The following SLC46A3 variants were observed in gnomAD, a reference collection of about 807,000 sequenced individuals.
SLC46A3 encodes lysosomal proton-coupled steroid conjugate and bile acid symporter SLC46A3.
In SLC46A3, 26 loss-of-function variants were observed where a neutral mutation model predicts 38.5. That is an observed-to-expected ratio of 0.68 (90% CI 0.49 to 0.94). SLC46A3 has a LOEUF of 0.94. Ranked by LOEUF, SLC46A3 falls within the 40% of genes least tolerant of loss-of-function variation. SLC46A3 has a pLI of 0.00. For synonymous variants in SLC46A3, 185 were observed against 192.5 expected (o/e 0.96, Z 0.32); for missense variants, 510 against 544.3 (o/e 0.94, Z 0.63).
intron 5 of SLC46A3, among the ~76,000 whole-genome samples, chr13:28,703,005 A>G (rs181252028): frequency 2.0e-5 from 3 of 152,302 alleles, no homozygotes; most frequent in Admixed American, 2.0e-4. Flanking sequence ...TAATGTGTCA[A>G]ATAAATTTGC....
At chr13:28,714,435 C>A (rs1448388893) in intron 2 of SLC46A3, among the ~76,000 whole-genome samples, 4 of 151,916 alleles carry the variant, frequency 2.6e-5, no homozygotes, top group African/African-American at 7.3e-5. Flanking sequence ...CATAGCGAGA[C>A]CCTGTCTCTA....
At chr13:28,707,619 T>C (rs1217150319) in intron 4 of SLC46A3, among the ~76,000 whole-genome samples, 2 of 152,172 alleles carry the variant, frequency 1.3e-5, no homozygotes. Context: ...AAACTATACC[T>C]CTTGACAGCT....
intron 4 of SLC46A3, among the ~76,000 whole-genome samples, chr13:28,707,498 G>A (rs1005971546): frequency 5.8e-4 from 88 of 151,994 alleles, no homozygotes; most frequent in Non-Finnish European, 1.1e-3. Context: ...CATGGCACAT[G>A]TATACATATG....
rs1885395477 is a variant in SLC46A3, at chr13:28,712,892, A to C, written c.848T>G (p.Leu283Arg). 1 of 1,611,064 alleles carries C rather than the reference A, an allele frequency of 6.2e-7. No individual in the cohort carries two copies. Among genetic ancestry groups the C allele is most frequent in the East Asian group, 2.2e-5 (1 of 44,868 alleles). Residue 283 changes from leucine (L) to arginine (R), a missense_variant, in exon 3 of 6, where the codon CTT (leucine) becomes CGT (arginine). By Grantham distance (102) the Leu-to-Arg change is moderately radical (BLOSUM62 -2). Transcript: ENST00000266943. ...GCAGAGTGGTGAATCCAATTCATAA[A>C]GGATAAAAATTGGGGCAATGCCAAT... ...VVIGIAPIFI[L>R]YELDSPLCWN...
Position 28,704,275 on chromosome 13 carries a change from T to C in SLC46A3, c.1145-176A>G, listed in dbSNP as rs544631085. On this transcript the variant is annotated intron_variant, in intron 4 of 5. Transcript: ENST00000266943. ...TCCCTGAGAAGTCAGCAGCCCATTC[T>C]GCAGCTGAGGAAACTAAGGGAAAGG... The C allele has an allele frequency of 2.2e-4, 131 of 601,176 alleles. 2 individuals are homozygous for C. The South Asian group carries it at 2.5e-3, about 12-fold the overall frequency. The allele number at this position is 601,176 out of a possible 1,614,324, so 37.2% of individuals were successfully genotyped here.
At chr13:28,702,788 G>A (rs1566118327) in intron 5 of SLC46A3, among the ~76,000 whole-genome samples, 1 of 152,178 alleles carries the variant, frequency 6.6e-6, no homozygotes, top group Non-Finnish European at 1.5e-5. Flanking sequence ...GCCCTTTAGG[G>A]AGTTTGCCAT....
chr13:28,704,710 T>C (rs563000590), intron 4 of SLC46A3, among the ~76,000 whole-genome samples: 2 of 152,376 alleles, frequency 1.3e-5, no homozygotes, highest in South Asian at 4.1e-4. Context: ...TTCTGCATGT[T>C]TGACTCATCA....
chr13:28,701,101 T>A lies in SLC46A3; in HGVS notation c.*396A>T. ...GAGAGAGGCCAGAAACCCATTCTGC[T>A]GATGAAGAAACTGAGGTAAAGATTT... On this transcript the variant is annotated 3_prime_UTR_variant, in exon 6 of 6. Coordinates refer to ENST00000266943, the MANE Select transcript of SLC46A3 (RefSeq NM_181785.4). The A allele has an allele frequency of 6.9e-7, 1 of 1,449,548 alleles. No individual in the cohort carries two copies. 89.8% of individuals were successfully genotyped at this position (1,449,548 alleles called of 1,614,324 possible). A position where few individuals can be genotyped will look rare whatever the true frequency, so the allele number is the denominator to read the frequency against.
Position 28,713,342 on chromosome 13 carries a change from G to A in SLC46A3, c.398C>T (p.Ala133Val). 1.2e-6 allele frequency: 2 copies of A among 1,614,012 alleles called. No individual in the cohort carries two copies. The highest frequency in any genetic ancestry group is 1.7e-6 in the Non-Finnish European group (2 of 1,180,022). ...YFAFPFQLLI[A>V]STFIGAFCGN... ...ACAAAATGCACCAATGAAGGTAGAT[G>A]CAATCAAAAGCTGGAATGGAAAGGC... Residue 133 changes from alanine to valine, a missense_variant, in exon 3 of 6, where the codon GCA (alanine) becomes GTA (valine). Transcript: ENST00000266943.
Position 28,701,583 on chromosome 13 carries a change from T to C in SLC46A3, c.1302-2A>G. ...TTCCAGCTGGTACACTTGACAACAC[T>C]ATAAAAGGAAACAAGACATTTTAAA... is the stretch of plus-strand genomic sequence containing the variant. On this transcript the variant is annotated splice_acceptor_variant, in intron 5 of 5. Transcript: ENST00000266943. LOFTEE classifies it high-confidence loss of function. 6.2e-7 allele frequency: 1 copy of C among 1,609,942 alleles called. No homozygotes were observed. The highest frequency in any genetic ancestry group is 8.5e-7 in the Non-Finnish European group (1 of 1,178,444).
intron 2 of SLC46A3, among the ~76,000 whole-genome samples, chr13:28,714,886 C>T (rs1005398512): frequency 3.3e-5 from 5 of 152,168 alleles, no homozygotes; most frequent in Non-Finnish European, 7.4e-5. Context: ...TCAATCATTA[C>T]ACTAGTTACT....
At position 28,712,772 on chromosome 13, in the gene SLC46A3, T is replaced by G; in HGVS notation, c.968A>C (p.Glu323Ala). The change falls in exon 3 of 6, where the codon GAA (glutamate) becomes GCA (alanine). Residue 323 changes from glutamate to alanine, a missense_variant. Glu to Ala is a moderately radical substitution (Grantham distance 107). Coordinates refer to ENST00000266943, the MANE Select transcript of SLC46A3 (RefSeq NM_181785.4). ...CCCAATGAAGGCCATATGAATATCT[T>G]CCATACAATAAGAAAAAAGCCATAT... Reference protein sequence around the residue: ...LGIWLFSYCMEDIHMAFIGIF... With the variant: ...LGIWLFSYCMADIHMAFIGIF... 6.2e-7 allele frequency: 1 copy of G among 1,613,378 alleles called. No homozygotes were observed. The highest frequency in any genetic ancestry group is 8.5e-7 in the Non-Finnish European group (1 of 1,179,856).
chr13:28,715,334 T>A (rs988934838), intron 2 of SLC46A3, among the ~76,000 whole-genome samples: 2 of 152,248 alleles, frequency 1.3e-5, no homozygotes, highest in African/African-American at 2.4e-5. Flanking sequence ...TAGGGGGCTC[T>A]CAGCAGCTGG....
At chr13:28,711,516 T>C (rs1885342650) in intron 3 of SLC46A3, among the ~76,000 whole-genome samples, 1 of 152,196 alleles carries the variant, frequency 6.6e-6, no homozygotes, top group Non-Finnish European at 1.5e-5. Flanking sequence ...TGCTAATTCA[T>C]TTTTGTTTGT....
chr13:28,716,628 A>G (rs1453285828), intron 2 of SLC46A3, among the ~76,000 whole-genome samples: 1 of 152,074 alleles, frequency 6.6e-6, no homozygotes, highest in Admixed American at 6.5e-5. Context: ...ACTCTACGCC[A>G]GAACCTTGAT....
At position 28,712,706 on chromosome 13, in the gene SLC46A3, G is replaced by A. The variant is rs761508515; in HGVS notation, c.1034C>T (p.Ala345Val). 1 of 1,601,922 alleles carries A rather than the reference G, an allele frequency of 6.2e-7. No homozygotes were observed. The highest frequency in any genetic ancestry group is 8.5e-7 in the Non-Finnish European group (1 of 1,176,738). ...TMTGMAMTAFASTTLMMFLAR... is the reference protein window; with the variant it reads ...TMTGMAMTAFVSTTLMMFLAR... ...TAAAAACATCATCAGTGTTGTACTG[G>A]CAAACGCGGTCATAGCCATTCCTGT... The change falls in exon 3 of 6, where the codon GCC becomes GTC. Residue 345 changes from alanine to valine, a missense_variant. By Grantham distance (64) the Ala-to-Val change is moderately conservative. Coordinates refer to ENST00000266943, the MANE Select transcript of SLC46A3 (RefSeq NM_181785.4).
At chr13:28,707,947 T>G (rs1420804403) in intron 4 of SLC46A3, among the ~76,000 whole-genome samples, 1 of 152,248 alleles carries the variant, frequency 6.6e-6, no homozygotes, top group African/African-American at 2.4e-5. Context: ...TGGCCTTTTG[T>G]GACTAGCTTC....
rs1401034925 is a variant in SLC46A3, at chr13:28,710,909, A to G, written c.1061-66T>C. On this transcript the variant is annotated intron_variant, in intron 3 of 5. Transcript: ENST00000266943. ...AGCTAATGGCCAATTTAAAATAGGA[A>G]ACACTTTCACTCTGTCTAAATACTT... 3.5e-6 allele frequency: 4 copies of G among 1,148,290 alleles called. No homozygotes were observed. The Admixed American group carries it at 7.2e-5, about 21-fold the overall frequency. 71.1% of individuals were successfully genotyped at this position (1,148,290 alleles called of 1,614,324 possible). A position where few individuals can be genotyped will look rare whatever the true frequency, so the allele number is the denominator to read the frequency against.
intron 4 of SLC46A3, among the ~76,000 whole-genome samples, chr13:28,707,247 G>A (rs1373622785): frequency 2.6e-5 from 4 of 151,756 alleles, no homozygotes; most frequent in East Asian, 3.9e-4. Context: ...CATGTCCTTC[G>A]TAGGGACATG....
Sources: allele counts gnomAD v4.1 joint callset (sites outside exome capture counted in the v4.1 genomes callset), GRCh38; gene constraint gnomAD v4.1.1; transcripts MANE v1.5; gene names NCBI Gene and HGNC (gene_info 2026-07-23, HGNC 2026-07-21).